The following MACROD2 variants were observed in gnomAD, a reference collection of about 807,000 sequenced individuals.
MACROD2 encodes ADP-ribose glycohydrolase MACROD2.
Under a neutral mutation model 70.4 loss-of-function variants are expected in MACROD2, and 36 were observed. The observed-to-expected ratio is 0.51, with a 90% CI of 0.39 to 0.68. MACROD2 has a LOEUF of 0.68. Among genes scored for constraint, MACROD2 ranks in the 30% least tolerant of loss-of-function variants. The pLI is 0.00. For missense variants in MACROD2, 496 were observed against 538.4 expected (o/e 0.92, Z 0.78); for synonymous variants, 172 against 178.8 (o/e 0.96, Z 0.30).
At chr20:15,411,553 T>C (rs548712203) in intron 6 of MACROD2, among the ~76,000 whole-genome samples, 9 of 152,358 alleles carry the variant, frequency 5.9e-5, no homozygotes, top group Middle Eastern at 3.4e-3. Flanking sequence ...GATAAAACTA[T>C]GATTGCATGG....
In MACROD2 at chr20:16,046,759, C is replaced by A. The variant is rs887586167; in HGVS notation, c.1300+2120C>A. On this transcript the variant is annotated intron_variant, in intron 17 of 17. Coordinates refer to ENST00000684519, the MANE Select transcript of MACROD2 (RefSeq NM_001351661.2). Reference sequence around the variant, plus strand: ...GTAGTGGCACGATCTTGGCTTACTGCAAACTTCACCTCCCTGTTTCAAGGG... The same window carrying A: ...GTAGTGGCACGATCTTGGCTTACTGAAAACTTCACCTCCCTGTTTCAAGGG... Among the ~76,000 whole-genome samples, 7 of 143,094 alleles carry A rather than the reference C, an allele frequency of 4.9e-5. No individual in the cohort carries two copies. In the East Asian group the frequency reaches 1.0e-3, roughly 21 times the overall value. 93.9% of individuals were successfully genotyped at this position (143,094 alleles called of 152,430 possible).
intron 5 of MACROD2, among the ~76,000 whole-genome samples, chr20:14,834,254 GTT>G (rs201456532): frequency 6.9e-6 from 1 of 145,316 alleles, no homozygotes. Flanking sequence ...CGCTAGTATG[GTT>G]TTTTTTTTTT....
At chr20:16,035,525 T>C (rs557019315) in intron 15 of MACROD2, among the ~76,000 whole-genome samples, 60 of 152,102 alleles carry the variant, frequency 3.9e-4, no homozygotes, top group African/African-American at 1.4e-3. Flanking sequence ...ATTAACACAT[T>C]ATGGCATGTT....
intron 5 of MACROD2, among the ~76,000 whole-genome samples, chr20:14,826,480 AT>A (rs2072904334): frequency 6.6e-6 from 1 of 151,826 alleles, no homozygotes; most frequent in Non-Finnish European, 1.5e-5. Context: ...AATTCTTTTT[AT>A]TTTCTTTTCC....
At chr20:14,501,882 T>C (rs1313459065) in intron 4 of MACROD2, among the ~76,000 whole-genome samples, 1 of 152,192 alleles carries the variant, frequency 6.6e-6, no homozygotes, top group Non-Finnish European at 1.5e-5. Context: ...TATAAACAAA[T>C]ATTTTAAAGT....
intron 1 of MACROD2, among the ~76,000 whole-genome samples, chr20:13,999,028 T>TA (rs2052699176): frequency 6.6e-6 from 1 of 152,090 alleles, no homozygotes. Context: ...TCCTCTTGCA[T>TA]AGTCTCATTG....
intron 3 of MACROD2, among the ~76,000 whole-genome samples, chr20:14,160,776 G>A (rs2055175019): frequency 6.6e-6 from 1 of 151,636 alleles, no homozygotes; most frequent in East Asian, 1.9e-4. Flanking sequence ...GTTTTTTCCT[G>A]CTTTTTTAGT....
rs1568535039 is a variant in MACROD2, at chr20:15,021,260, ACCT to A, written c.419-208679_419-208677del. Among the ~76,000 whole-genome samples, 111 of 120,322 alleles carry A rather than the reference ACCT, an allele frequency of 9.2e-4. 1 individual carries two copies. The highest frequency in any genetic ancestry group is 1.3e-3 in the South Asian group (4 of 2,986). 78.9% of individuals were successfully genotyped at this position (120,322 alleles called of 152,430 possible). A position where few individuals can be genotyped will look rare whatever the true frequency, so the allele number is the denominator to read the frequency against. ...CACACCTGTGTGTATGTATACACAC[ACCT>A]GTGTGTGTGTATACGCACACCTGTG... On this transcript the variant is annotated intron_variant, in intron 5 of 17. Transcript: ENST00000684519.
intron 5 of MACROD2, among the ~76,000 whole-genome samples, chr20:14,882,812 G>C (rs984969): frequency 0.91 from 138,130 of 152,160 alleles, 62,877 homozygotes; most frequent in East Asian, 1. Context: ...AGTTTAGATC[G>C]CTCCCTGAAG....
intron 3 of MACROD2, among the ~76,000 whole-genome samples, chr20:14,225,285 G>T (rs2081722002): frequency 6.6e-6 from 1 of 152,092 alleles, no homozygotes; most frequent in African/African-American, 2.4e-5. Flanking sequence ...GCTTTGAAAG[G>T]GGAAATTTAA....
intron 3 of MACROD2, among the ~76,000 whole-genome samples, chr20:14,099,209 C>T (rs568380179): frequency 1.3e-4 from 20 of 151,716 alleles, no homozygotes; most frequent in African/African-American, 3.6e-4. Context: ...ACCCAGGAGG[C>T]GGAGGTTGCA....
At chr20:14,092,357 G>C (rs2054161937) in intron 3 of MACROD2, among the ~76,000 whole-genome samples, 1 of 152,022 alleles carries the variant, frequency 6.6e-6, no homozygotes, top group African/African-American at 2.4e-5. Context: ...GGGTCTCAGT[G>C]ATATTTGTGA....
At chr20:14,169,476 G>A (rs576191568) in intron 3 of MACROD2, among the ~76,000 whole-genome samples, 258 of 121,660 alleles carry the variant, frequency 2.1e-3, no homozygotes, top group Non-Finnish European at 4.0e-3. Flanking sequence ...AGCTAATTTT[G>A]TATTTTTAGT....
At chr20:14,219,935 T>TG (rs1569212190) in intron 3 of MACROD2, among the ~76,000 whole-genome samples, 2 of 151,382 alleles carry the variant, frequency 1.3e-5, no homozygotes, top group Non-Finnish European at 2.9e-5. Context: ...GGTGGCGGGG[T>TG]GGGGGGTGCA....
intron 2 of MACROD2, among the ~76,000 whole-genome samples, chr20:14,005,889 C>T (rs1309214862): frequency 3.3e-5 from 5 of 152,176 alleles, no homozygotes; most frequent in African/African-American, 9.7e-5. Context: ...ACGTGAGCCA[C>T]TGCACCTGCC....
intron 3 of MACROD2, among the ~76,000 whole-genome samples, chr20:14,301,051 A>G (rs2082470700): frequency 6.6e-6 from 1 of 152,228 alleles, no homozygotes; most frequent in Non-Finnish European, 1.5e-5. Flanking sequence ...AACACTCGCC[A>G]CGATCCTATC....
intron 3 of MACROD2, among the ~76,000 whole-genome samples, chr20:14,110,324 CA>C (rs1422553351): frequency 1.3e-5 from 2 of 151,808 alleles, no homozygotes; most frequent in African/African-American, 4.8e-5. Context: ...TGGAACATGA[CA>C]AAAATGCCTA....
intron 4 of MACROD2, among the ~76,000 whole-genome samples, chr20:14,635,708 C>T (rs4814314): frequency 0.023 from 3,575 of 152,256 alleles, 61 homozygotes; most frequent in Admixed American, 0.036. Context: ...ATGTATGTAA[C>T]TCTCATATCA....
intron 8 of MACROD2, among the ~76,000 whole-genome samples, chr20:15,720,644 T>C (rs531575926): frequency 6.6e-6 from 1 of 152,292 alleles, no homozygotes; most frequent in African/African-American, 2.4e-5. Context: ...TCAACTATTT[T>C]TGCTTTGAAT....
Sources: gnomAD v4.1 joint callset for allele counts (sites outside exome capture counted in the v4.1 genomes callset) on GRCh38, gnomAD v4.1.1 for gene constraint, MANE v1.5 for transcripts, NCBI Gene and HGNC (gene_info 2026-07-23, HGNC 2026-07-21) for gene names.